Variants in RHAG observed in about 807,000 individuals in gnomAD.
RHAG encodes Rh associated glycoprotein.
Under a neutral mutation model 42.4 loss-of-function variants are expected in RHAG, and 25 were observed. That is an observed-to-expected ratio of 0.59 (90% CI 0.43 to 0.82). The LOEUF (loss-of-function observed/expected upper bound fraction) is 0.82. Ranked by LOEUF, RHAG falls within the 40% of genes least tolerant of loss-of-function variation. The pLI, the probability that RHAG is intolerant of heterozygous loss-of-function variation, is 0.00. For synonymous variants in RHAG, 182 were observed against 177.7 expected, an observed-to-expected ratio of 1.02 and a Z score of -0.19; for missense variants, 483 against 504.6, an observed-to-expected ratio of 0.96 and a Z score of 0.41.
chr6:49,621,074 G>C (rs1346439373), intron 1 of RHAG, among the ~76,000 whole-genome samples: 1 of 152,144 alleles, frequency 6.6e-6, no homozygotes, highest in Non-Finnish European at 1.5e-5. Context: ...GGCACACAGA[G>C]ACGTTACTGC....
At chr6:49,608,910 T>C (rs1441528297) in intron 7 of RHAG, among the ~76,000 whole-genome samples, 2 of 152,186 alleles carry the variant, frequency 1.3e-5, no homozygotes, top group Non-Finnish European at 2.9e-5. Flanking sequence ...CTGTTAATTT[T>C]ATAGGAATTT....
chr6:49,614,740 G>A lies in RHAG; in HGVS notation c.754C>T (p.Leu252Phe), dbSNP rs1762625041. 1 of 1,614,094 alleles carries A rather than the reference G, an allele frequency of 6.2e-7. No individual in the cohort carries two copies. The highest frequency in any genetic ancestry group is 8.5e-7 in the Non-Finnish European group (1 of 1,180,028). Residue 252 changes from leucine to phenylalanine, a missense_variant, in exon 5 of 10, where the codon CTC becomes TTC. Coordinates refer to ENST00000371175, the MANE Select transcript of RHAG (RefSeq NM_000324.3). ...AGGCTGGAGAAGGCAAAGGCTGTGA[G>A]CACACAGGCAGCGAGAGAGAAGTAC... ...NTYFSLAACVLTAFAFSSLVE... is the reference protein window; with the variant it reads ...NTYFSLAACVFTAFAFSSLVE...
chr6:49,610,935 A>C, intron 7 of RHAG, 89 bp downstream of exon 7: 1 of 1,528,690 alleles, frequency 6.5e-7, no homozygotes, highest in Non-Finnish European at 9.1e-7. Flanking sequence ...CCATGGCCAG[A>C]ACAGCTAAAA....
At chr6:49,635,597 A>G (rs534569156) in intron 1 of RHAG, among the ~76,000 whole-genome samples, 8 of 152,246 alleles carry the variant, frequency 5.3e-5, no homozygotes, top group Middle Eastern at 3.4e-3. Context: ...ACATCTATGC[A>G]GTGTAAAGAC....
At chr6:49,606,949 T>G in intron 8 of RHAG, 28 bp from the exon 9 acceptor site, 1 of 1,533,694 alleles carries the variant, frequency 6.5e-7, no homozygotes, top group Non-Finnish European at 9.0e-7. Context: ...AAATGAGTCA[T>G]GTTGTGACGC....
intron 4 of RHAG, chr6:49,615,242 G>A (rs1408252812): frequency 1.4e-5 from 4 of 277,912 alleles, no homozygotes; most frequent in Non-Finnish European, 2.1e-5. Context: ...GAGCCACCAC[G>A]CCCAGCCTGG....
chr6:49,616,304 T>G (rs1762653502), intron 3 of RHAG, among the ~76,000 whole-genome samples: 1 of 145,824 alleles, frequency 6.9e-6, no homozygotes, highest in Non-Finnish European at 1.5e-5. Flanking sequence ...GAGCTATGAT[T>G]GTCACATTGC....
Position 49,605,631 on chromosome 6 carries a change from A to G in RHAG, c.*182T>C. 2 of 704,806 alleles carry G rather than the reference A, an allele frequency of 2.8e-6. No homozygotes were observed. The highest frequency in any genetic ancestry group is 3.0e-5 in the South Asian group (2 of 67,556). The allele number at this position is 704,806 out of a possible 1,614,324, so 43.7% of individuals were successfully genotyped here. A position where few individuals can be genotyped will look rare whatever the true frequency, so the allele number is the denominator to read the frequency against. ...CAGCATCAGACATAAGGACATTTTT[A>G]CACTGGCCATTTGGGACTTAGGATC... On this transcript the variant is annotated 3_prime_UTR_variant, in exon 10 of 10. Transcript: ENST00000371175.
chr6:49,621,766 C>A (rs1382104631), intron 1 of RHAG, among the ~76,000 whole-genome samples: 1 of 152,036 alleles, frequency 6.6e-6, no homozygotes, highest in East Asian at 1.9e-4. Flanking sequence ...TTTTAGTAAA[C>A]CTTTATGGGA....
rs551378431 is a variant in RHAG, at chr6:49,628,750, C to G, written c.157+7906G>C. Among the ~76,000 whole-genome samples, 13 of 138,522 alleles carry G rather than the reference C, an allele frequency of 9.4e-5. No homozygotes were observed. The East Asian group carries it at 1.5e-3, about 16-fold the overall frequency. 90.9% of individuals were successfully genotyped at this position (138,522 alleles called of 152,430 possible). A position where few individuals can be genotyped will look rare whatever the true frequency, so the allele number is the denominator to read the frequency against. On this transcript the variant is annotated intron_variant, in intron 1 of 9. Coordinates refer to ENST00000371175, the MANE Select transcript of RHAG (RefSeq NM_000324.3). ...TTACAGCTCTTAAGGTGGCGCGTCT[C>G]GAGTTGTTCGTTCCTCCCGGTGGGC...
chr6:49,625,929 T>C (rs759962171), intron 1 of RHAG, among the ~76,000 whole-genome samples: 98 of 152,270 alleles, frequency 6.4e-4, no homozygotes, highest in Non-Finnish European at 1.2e-3. Context: ...ACAACTCCCC[T>C]TTATAAAACC....
intron 5 of RHAG, 29 bp downstream of exon 5, chr6:49,614,658 A>C: frequency 6.2e-7 from 1 of 1,611,760 alleles, no homozygotes; most frequent in Non-Finnish European, 8.5e-7. Flanking sequence ...GTGAAGCAAA[A>C]TTTCCATGAG....
At chr6:49,634,948 G>A (rs1320923186) in intron 1 of RHAG, among the ~76,000 whole-genome samples, 1 of 109,050 alleles carries the variant, frequency 9.2e-6, no homozygotes, top group Non-Finnish European at 1.9e-5. Flanking sequence ...ATTATTGTGT[G>A]TGTACACCTG....
intron 1 of RHAG, among the ~76,000 whole-genome samples, chr6:49,624,494 T>G (rs1330777870): frequency 6.6e-6 from 1 of 152,216 alleles, no homozygotes; most frequent in African/African-American, 2.4e-5. Context: ...CATGAGCCAC[T>G]GTGCCTGGCA....
chr6:49,610,391 G>C (rs1408220135), intron 7 of RHAG, among the ~76,000 whole-genome samples: 4 of 152,092 alleles, frequency 2.6e-5, no homozygotes, highest in African/African-American at 9.7e-5. Context: ...CTTGATAGTT[G>C]TTTTTCCTCT....
chr6:49,629,812 G>C (rs57067353), intron 1 of RHAG, among the ~76,000 whole-genome samples: 1 of 151,866 alleles, frequency 6.6e-6, no homozygotes, highest in Non-Finnish European at 1.5e-5. Context: ...CTCATTGCCC[G>C]GGGCCGGCAG....
At position 49,605,257 on chromosome 6, in the gene RHAG, TA is replaced by T. The variant is rs1424522028; in HGVS notation, c.*555del. On this transcript the variant is annotated 3_prime_UTR_variant, in exon 10 of 10. Transcript: ENST00000371175. ...AGATAGCATTTGAGCTCGTTGCAAA[TA>T]GTCAACATGCAAAAGGAATTAAGAA... 1 of 154,986 alleles carries T rather than the reference TA, an allele frequency of 6.5e-6. No homozygotes were observed. The highest frequency in any genetic ancestry group is 1.9e-4 in the East Asian group (1 of 5,286). 9.6% of individuals were successfully genotyped at this position (154,986 alleles called of 1,614,324 possible). A position where few individuals can be genotyped will look rare whatever the true frequency, so the allele number is the denominator to read the frequency against.
Position 49,605,589 on chromosome 6 carries a change from C to T in RHAG, c.*224G>A, listed in dbSNP as rs1058066. On this transcript the variant is annotated 3_prime_UTR_variant, in exon 10 of 10. Coordinates refer to ENST00000371175, the MANE Select transcript of RHAG (RefSeq NM_000324.3). ...TATGAGTAACATCCCCTCAATTAAT[C>T]ATTGAAGAGCAAGAGACAGCATCAG... The T allele has an allele frequency of 0.068, 42,495 of 626,026 alleles. 2,455 individuals carry two copies. The highest frequency in any genetic ancestry group is 0.24 in the African/African-American group (13,191 of 54,402). The allele number at this position is 626,026 out of a possible 1,614,324, so 38.8% of individuals were successfully genotyped here.
intron 1 of RHAG, among the ~76,000 whole-genome samples, chr6:49,624,287 C>G (rs1762808061): frequency 6.6e-6 from 1 of 152,162 alleles, no homozygotes; most frequent in South Asian, 2.1e-4. Flanking sequence ...CTCACTGCAG[C>G]CTCTGCCTCC....
Sources: gnomAD v4.1 joint callset for allele counts (sites outside exome capture counted in the v4.1 genomes callset) on GRCh38, gnomAD v4.1.1 for gene constraint, MANE v1.5 for transcripts, NCBI Gene and HGNC (gene_info 2026-07-23, HGNC 2026-07-21) for gene names.